The following OR3A2 variants were observed in gnomAD, a reference collection of about 807,000 sequenced individuals.
The protein encoded by OR3A2 is olfactory receptor family 3 subfamily A member 2.
For missense variants in OR3A2, 318 were observed against 392.8 expected, an observed-to-expected ratio of 0.81 and a Z score of 1.61; for synonymous variants, 126 against 159.3, an observed-to-expected ratio of 0.79 and a Z score of 1.57.
intron 2 of OR3A2, among the ~76,000 whole-genome samples, chr17:3,342,934 G>A (rs1333256363): frequency 6.6e-6 from 1 of 152,166 alleles, no homozygotes; most frequent in African/African-American, 2.4e-5. Context: ...CCTGGCCGCT[G>A]TGTTTACCTA....
intron 2 of OR3A2, among the ~76,000 whole-genome samples, chr17:3,347,747 T>C (rs2049380039): frequency 6.6e-6 from 1 of 152,230 alleles, no homozygotes. Flanking sequence ...TATAGTCCTT[T>C]GGGTATATAC....
At chr17:3,351,047 G>A (rs926212184) in intron 2 of OR3A2, among the ~76,000 whole-genome samples, 23 of 151,758 alleles carry the variant, frequency 1.5e-4, no homozygotes, top group African/African-American at 5.6e-4. Flanking sequence ...AATAATAAGA[G>A]CTATCTATGA....
intron 3 of OR3A2, among the ~76,000 whole-genome samples, chr17:3,328,419 CTT>C (rs2049196085): frequency 9.6e-6 from 1 of 104,254 alleles, no homozygotes; most frequent in Non-Finnish European, 1.8e-5. Context: ...TATCCTGAGA[CTT>C]TGCTGAAGTT....
At chr17:3,351,040 A>G (rs977679173) in intron 2 of OR3A2, among the ~76,000 whole-genome samples, 4 of 151,752 alleles carry the variant, frequency 2.6e-5, no homozygotes, top group East Asian at 1.9e-4. Context: ...ATTTCAAAAT[A>G]ATAAGAGCTA....
intron 2 of OR3A2, among the ~76,000 whole-genome samples, chr17:3,345,196 G>A (rs748431630): frequency 7.2e-5 from 11 of 152,166 alleles, no homozygotes; most frequent in Non-Finnish European, 1.6e-4. Context: ...CAAATTATTA[G>A]AGGATTTATC....
chr17:3,322,134 T>G (rs2049128968), intron 3 of OR3A2, among the ~76,000 whole-genome samples: 1 of 152,212 alleles, frequency 6.6e-6, no homozygotes, highest in South Asian at 2.1e-4. Context: ...TATCCATTTC[T>G]TCTAGATTTT....
At chr17:3,371,763 A>C (rs1336534442) in intron 2 of OR3A2, among the ~76,000 whole-genome samples, 3 of 118,136 alleles carry the variant, frequency 2.5e-5, no homozygotes, top group South Asian at 3.0e-4. Context: ...ACTTCCCAGT[A>C]GGGGCGGCCG....
At chr17:3,346,936 T>C (rs1337517513) in intron 2 of OR3A2, among the ~76,000 whole-genome samples, 2 of 152,204 alleles carry the variant, frequency 1.3e-5, no homozygotes, top group Non-Finnish European at 2.9e-5. Flanking sequence ...TCCATTTGTC[T>C]GTTGATGGAC....
chr17:3,385,818 T>C (rs2049772594), intron 1 of OR3A2: 1 of 397,946 alleles, frequency 2.5e-6, no homozygotes, highest in Admixed American at 4.4e-5. Context: ...TATAAACATA[T>C]ATTAAAATGT....
intron 2 of OR3A2, among the ~76,000 whole-genome samples, chr17:3,340,652 T>C (rs1245026890): frequency 1.3e-5 from 2 of 152,222 alleles, no homozygotes. Flanking sequence ...TTTCTGTCCT[T>C]TTACATTTGC....
At chr17:3,356,169 G>T (rs1483034312) in intron 2 of OR3A2, among the ~76,000 whole-genome samples, 2 of 151,022 alleles carry the variant, frequency 1.3e-5, no homozygotes, top group African/African-American at 4.9e-5. Context: ...ATTTTTTGTT[G>T]TTTCTCTTTA....
chr17:3,338,455 G>A (rs182177506), intron 2 of OR3A2, among the ~76,000 whole-genome samples: 13 of 152,210 alleles, frequency 8.5e-5, no homozygotes, highest in South Asian at 8.3e-4. Context: ...TGTATAAAGT[G>A]TAAGGAAGGG....
intron 3 of OR3A2, among the ~76,000 whole-genome samples, chr17:3,293,245 T>A (rs929712037): frequency 4.6e-5 from 7 of 151,694 alleles, no homozygotes; most frequent in Non-Finnish European, 1.0e-4. Context: ...GTGTAAAGTA[T>A]GGCACCATAA....
At chr17:3,354,444 T>C (rs2049446904) in intron 2 of OR3A2, among the ~76,000 whole-genome samples, 1 of 151,306 alleles carries the variant, frequency 6.6e-6, no homozygotes, top group African/African-American at 2.4e-5. Flanking sequence ...CCTTTTATTA[T>C]GACTTTCATC....
intron 2 of OR3A2, among the ~76,000 whole-genome samples, chr17:3,338,892 T>A (rs1021012493): frequency 1.3e-5 from 2 of 152,202 alleles, no homozygotes; most frequent in South Asian, 2.1e-4. Context: ...ATTCTTCCTA[T>A]CCATGAGCAT....
At chr17:3,347,843 T>G (rs1282601750) in intron 2 of OR3A2, among the ~76,000 whole-genome samples, 21 of 152,240 alleles carry the variant, frequency 1.4e-4, no homozygotes, top group Admixed American at 1.4e-3. Context: ...ATGGTTGAAC[T>G]AGATTACAGT....
At chr17:3,344,908 C>T (rs764638409) in intron 2 of OR3A2, among the ~76,000 whole-genome samples, 31 of 152,188 alleles carry the variant, frequency 2.0e-4, no homozygotes, top group Non-Finnish European at 3.5e-4. Context: ...GTAGCAGCTA[C>T]CTTGCCTATC....
chr17:3,314,250 C>T lies in OR3A2; in HGVS notation c.-85+21783G>A, dbSNP rs183594040. On this transcript the variant is annotated intron_variant, in intron 3 of 4. Coordinates refer to the OR3A2 transcript ENST00000573491. The stretch of plus-strand genomic sequence containing the variant: ...TGGGAAATCCTATAATATCCAAAGA[C>T]TTGGGAAAGCATTACAGAGAGAAGT... Among the ~76,000 whole-genome samples, 35 of 152,224 alleles carry T rather than the reference C, an allele frequency of 2.3e-4. No individual in the cohort carries two copies. In the East Asian group the frequency reaches 6.8e-3, roughly 29 times the overall value.
At chr17:3,360,866 TG>T (rs1275654893) in intron 2 of OR3A2, among the ~76,000 whole-genome samples, 1 of 151,666 alleles carries the variant, frequency 6.6e-6, no homozygotes, top group African/African-American at 2.4e-5. Context: ...CCTCCAGCTT[TG>T]TTCTTTTGGG....
Sources: gnomAD v4.1 joint callset for allele counts (sites outside exome capture counted in the v4.1 genomes callset) on GRCh38, gnomAD v4.1.1 for gene constraint, MANE v1.5 for transcripts, NCBI Gene and HGNC (gene_info 2026-07-23, HGNC 2026-07-21) for gene names.